Variants in SNX1 observed in about 807,000 individuals in gnomAD.
SNX1 encodes sorting nexin-1.
A neutral mutation model predicts 71.8 loss-of-function variants in SNX1; 36 were observed. The observed-to-expected ratio is 0.50, with a 90% CI of 0.38 to 0.66. SNX1 has a LOEUF of 0.66. SNX1 is among the 30% of genes least tolerant of loss of function. The pLI, the probability that SNX1 is intolerant of heterozygous loss-of-function variation, is 0.00. For synonymous variants in SNX1, 254 were observed against 240.7 expected, an observed-to-expected ratio of 1.06 and a Z score of -0.51; for missense variants, 612 against 646.7, an observed-to-expected ratio of 0.95 and a Z score of 0.58.
At chr15:64,096,510 G>T (rs139438365) in intron 1 of SNX1, among the ~76,000 whole-genome samples, 138 of 152,368 alleles carry the variant, frequency 9.1e-4, no homozygotes, top group African/African-American at 3.1e-3. Context: ...GGCAGATTCA[G>T]TAGGACGGAA....
chr15:64,129,412 G>A lies in SNX1; in HGVS notation c.808-504G>A, dbSNP rs1457134859. On this transcript the variant is annotated intron_variant, in intron 8 of 14. Transcript: ENST00000559844. The surrounding 1 kb of genome is among the most constrained non-coding windows in gnomAD (Gnocchi z 4.4). ...CAGATTGTTTCTGAATATTTGGCAT[G>A]CTTGACTACTAGGTTATCCCTGAAA... 6.6e-6 allele frequency among the ~76,000 whole-genome samples: 1 copy of A among 152,192 alleles called. No homozygotes were observed. The highest frequency in any genetic ancestry group is 1.5e-5 in the Non-Finnish European group (1 of 68,024).
intron 2 of SNX1, chr15:64,115,450 A>C (rs896947251): frequency 1.0e-5 from 3 of 301,418 alleles, no homozygotes; most frequent in Admixed American, 9.5e-5. Context: ...ATGGAGCCTG[A>C]ATGCTTTTCC....
chr15:64,142,678 T>C lies in SNX1; in HGVS notation c.*5060T>C. On this transcript the variant is annotated 3_prime_UTR_variant, in exon 15 of 15. Coordinates refer to ENST00000559844, the MANE Select transcript of SNX1 (RefSeq NM_003099.5). ...GCCAAGTTTTTTTAGATAAAAGGTA[T>C]GGAACCTGCTTTCCCCTTGGCTAGT... 2.2e-6 allele frequency: 1 copy of C among 456,086 alleles called. No individual in the cohort carries two copies. The allele number at this position is 456,086 out of a possible 1,614,324, so 28.3% of individuals were successfully genotyped here. A position where few individuals can be genotyped will look rare whatever the true frequency, so the allele number is the denominator to read the frequency against.
chr15:64,097,365 A>C (rs1292653698), intron 1 of SNX1, among the ~76,000 whole-genome samples: 1 of 152,246 alleles, frequency 6.6e-6, no homozygotes, highest in South Asian at 2.1e-4. Flanking sequence ...CCTGCCCCCA[A>C]ACCCAGGGGG....
Position 64,128,853 on chromosome 15 carries a change from C to G in SNX1, c.807+1047C>G, listed in dbSNP as rs186282872. On this transcript the variant is annotated intron_variant, in intron 8 of 14. Transcript: ENST00000559844. ...TTTTAGCAGCATTCCTGGTACCTAC[C>G]CACTAGATCCAGGTAGCACCCCCTC... 5.1e-4 allele frequency among the ~76,000 whole-genome samples: 77 copies of G among 152,170 alleles called. 1 individual carries two copies. The East Asian group carries it at 0.011, about 21-fold the overall frequency.
chr15:64,134,907 G>A lies in SNX1; in HGVS notation c.1365+100G>A, dbSNP rs1454771809. ...GGTTTGGAACCCCACAGGGGGAAGA[G>A]CGCTGATTGAGTCTAAAGGGCCGTG... On this transcript the variant is annotated intron_variant, in intron 12 of 14. Coordinates refer to ENST00000559844, the MANE Select transcript of SNX1 (RefSeq NM_003099.5). This position sits in a 1 kb window ranked among gnomAD's most constrained non-coding sequence, Gnocchi z 4.1. 1.4e-6 allele frequency: 2 copies of A among 1,472,634 alleles called. No homozygotes were observed. Among genetic ancestry groups the A allele is most frequent in the Admixed American group, 4.3e-5 (2 of 46,782 alleles). 91.2% of individuals were successfully genotyped at this position (1,472,634 alleles called of 1,614,324 possible). A position where few individuals can be genotyped will look rare whatever the true frequency, so the allele number is the denominator to read the frequency against.
rs528300692 is a variant in SNX1, at chr15:64,141,056, T to A, written c.*3438T>A. 1.3e-5 allele frequency: 2 copies of A among 149,584 alleles called. No individual in the cohort carries two copies. Among genetic ancestry groups the A allele is most frequent in the African/African-American group, 4.9e-5 (2 of 40,448 alleles). The allele number at this position is 149,584 out of a possible 1,614,324, so 9.3% of individuals were successfully genotyped here. ...GATATAGATAGATAGATAGATTGAT[T>A]GATTTGTAGAAACAAGATAGGTTAG... On this transcript the variant is annotated 3_prime_UTR_variant, in exon 15 of 15. Transcript: ENST00000559844. The surrounding 1 kb of genome is among the most constrained non-coding windows in gnomAD (Gnocchi z 5.1).
intron 2 of SNX1, among the ~76,000 whole-genome samples, chr15:64,113,837 GAA>G (rs869297728): frequency 2.6e-4 from 38 of 148,906 alleles, no homozygotes; most frequent in Non-Finnish European, 4.6e-4. Context: ...AAGAAAGAAA[GAA>G]AGAGAGAGAG....
chr15:64,137,617 A>G lies in SNX1; in HGVS notation c.1568A>G (p.Ter523=), dbSNP rs2081372450. The G allele has an allele frequency of 3.1e-6, 5 of 1,614,196 alleles. No individual in the cohort carries two copies. Among genetic ancestry groups the G allele is most frequent in the Non-Finnish European group, 4.2e-6 (5 of 1,180,016 alleles). ...AFLPEAKAIS[*] The stretch of plus-strand genomic sequence containing the variant: ...CTTCCTGAGGCAAAGGCCATCTCCT[A>G]ATGGACCAAGGACCCCAGAGCCCAC... Residue 523 remains the stop codon, a stop_retained_variant, in exon 15 of 15, where the codon TAA becomes TGA. Transcript: ENST00000559844.
chr15:64,136,225 A>C, intron 12 of SNX1, 105 bp from the exon 13 acceptor site: 1 of 847,968 alleles, frequency 1.2e-6, no homozygotes, highest in Non-Finnish European at 2.0e-6. Flanking sequence ...ACAGACAGAC[A>C]TAATGATCAA....
Position 64,130,455 on chromosome 15 carries a change from C to G in SNX1, c.1015+134C>G, listed in dbSNP as rs2081295287. 8 of 710,458 alleles carry G rather than the reference C, an allele frequency of 1.1e-5. No homozygotes were observed. In the South Asian group the frequency reaches 1.4e-4, roughly 12 times the overall value. The allele number at this position is 710,458 out of a possible 1,614,324, so 44.0% of individuals were successfully genotyped here. ...CTCAGCCCACCTGGTCCTTGATGTT[C>G]TGATAAAAAAAAGGTATGCCCTGTG... On this transcript the variant is annotated intron_variant, in intron 10 of 14. Transcript: ENST00000559844.
chr15:64,128,313 T>C (rs1180154049), intron 8 of SNX1, among the ~76,000 whole-genome samples: 1 of 152,218 alleles, frequency 6.6e-6, no homozygotes, highest in African/African-American at 2.4e-5. Flanking sequence ...AAATACTTGA[T>C]TCTCATCATA....
At chr15:64,132,438 G>A (rs910103787) in intron 11 of SNX1, 1 of 158,076 alleles carries the variant, frequency 6.3e-6, no homozygotes, top group Admixed American at 6.0e-5. Context: ...TTCCTGTGCT[G>A]TGTCACCCCA....
Position 64,139,289 on chromosome 15 carries a change from A to G in SNX1, c.*1671A>G, listed in dbSNP as rs969953886. ...AAAGCTGTGTAATTTGAAGGCATCCATAGGGTGACTGTACCATAATTTTGA... is the reference window on the plus strand; with the variant it reads ...AAAGCTGTGTAATTTGAAGGCATCCGTAGGGTGACTGTACCATAATTTTGA... On this transcript the variant is annotated 3_prime_UTR_variant, in exon 15 of 15. Transcript: ENST00000559844. The G allele has an allele frequency of 4.2e-5, 6 of 144,174 alleles. No homozygotes were observed. Among genetic ancestry groups the G allele is most frequent in the South Asian group, 4.7e-4 (2 of 4,246 alleles). The allele number at this position is 144,174 out of a possible 1,614,324, so 8.9% of individuals were successfully genotyped here. A position where few individuals can be genotyped will look rare whatever the true frequency, so the allele number is the denominator to read the frequency against.
Position 64,134,830 on chromosome 15 carries a change from G to T in SNX1, c.1365+23G>T. ...GAGGTGAGTCCACTGAGGCAGCCCA[G>T]CCAGGGGTGTTCTGCTGGTTCCAAA... On this transcript the variant is annotated intron_variant, in intron 12 of 14. Coordinates refer to ENST00000559844, the MANE Select transcript of SNX1 (RefSeq NM_003099.5). The surrounding 1 kb of genome is among the most constrained non-coding windows in gnomAD (Gnocchi z 4.1). 6.2e-7 allele frequency: 1 copy of T among 1,612,858 alleles called. No individual in the cohort carries two copies. Among genetic ancestry groups the T allele is most frequent in the South Asian group, 1.1e-5 (1 of 90,882 alleles).
chr15:64,105,159 C>T (rs572577154), intron 1 of SNX1, among the ~76,000 whole-genome samples: 110 of 150,928 alleles, frequency 7.3e-4, no homozygotes, highest in African/African-American at 2.6e-3. Flanking sequence ...CGCTTGAACC[C>T]GCGAAGTGGA....
intron 1 of SNX1, among the ~76,000 whole-genome samples, chr15:64,112,318 T>C (rs1595984399): frequency 6.6e-6 from 1 of 152,242 alleles, no homozygotes. Flanking sequence ...TGTGTACACA[T>C]ACCCATGTTG....
intron 8 of SNX1, among the ~76,000 whole-genome samples, 182 bp downstream of exon 8, chr15:64,127,988 G>A (rs921776370): frequency 6.6e-6 from 1 of 152,216 alleles, no homozygotes; most frequent in African/African-American, 2.4e-5. Context: ...AGCTCTGCCC[G>A]AAGTCAAAAG....
At chr15:64,106,345 C>G (rs1289153004) in intron 1 of SNX1, among the ~76,000 whole-genome samples, 1 of 152,194 alleles carries the variant, frequency 6.6e-6, no homozygotes, top group Non-Finnish European at 1.5e-5. Context: ...GAGTTAAACT[C>G]TAGTTTGTAG....
Sources: allele counts gnomAD v4.1 joint callset (sites outside exome capture counted in the v4.1 genomes callset), GRCh38; gene constraint gnomAD v4.1.1; non-coding constraint Gnocchi (gnomAD v3.1); transcripts MANE v1.5; gene names NCBI Gene and HGNC (gene_info 2026-07-23, HGNC 2026-07-21).